The following AATF variants were observed in gnomAD, a reference collection of about 807,000 sequenced individuals.
AATF encodes the protein apoptosis antagonizing transcription factor, also known as protein AATF.
A neutral mutation model predicts 63.7 loss-of-function variants in AATF; 48 were observed. That is an observed-to-expected ratio of 0.75 (90% confidence interval 0.60 to 0.96). The LOEUF (loss-of-function observed/expected upper bound fraction) is 0.96, where lower values mean the gene tolerates loss of function less well. Among genes scored for constraint, AATF ranks in the 40% least tolerant of loss-of-function variants. The pLI is 0.00. For synonymous variants in AATF, 258 were observed against 247.7 expected (o/e 1.04, Z -0.39); for missense variants, 639 against 685.7 (o/e 0.93, Z 0.76).
At chr17:37,016,185 TG>T (rs908322084) in intron 8 of AATF, among the ~76,000 whole-genome samples, 4 of 152,380 alleles carry the variant, frequency 2.6e-5, no homozygotes, top group African/African-American at 9.6e-5. Flanking sequence ...CACACATTAG[TG>T]CTCCTTTTCT....
chr17:37,001,395 A>AGGAG (rs71159677), intron 8 of AATF, among the ~76,000 whole-genome samples: 11,895 of 77,218 alleles, frequency 0.15, 1,836 homozygotes, highest in Non-Finnish European at 0.2. Flanking sequence ...AAGGTATGGG[A>AGGAG]GGAGGGAGGG....
rs1189528380 is a variant in AATF at position 37,023,493 on chromosome 17, T to A, written c.1547+2479T>A. ...ATATCCAGAGGCAGTAAAATCTTATTCTTTTTAAACAGAGTTTAAAAAGAG... is the reference window on the plus strand; with the variant it reads ...ATATCCAGAGGCAGTAAAATCTTATACTTTTTAAACAGAGTTTAAAAAGAG... On this transcript the variant is annotated intron_variant, in intron 10 of 11. Transcript: ENST00000619387. Among the ~76,000 whole-genome samples the A allele has an allele frequency of 2.0e-5, 3 of 151,390 alleles. No homozygotes were observed. In the South Asian group the frequency reaches 6.3e-4, roughly 32 times the overall value.
chr17:37,023,925 A>C lies in AATF; in HGVS notation c.1547+2911A>C, dbSNP rs568324091. ...GGCATAGTATTTGCATATAACCTAC[A>C]CACATCCTCCCTATACTTTAAATCA... On this transcript the variant is annotated intron_variant, in intron 10 of 11. Transcript: ENST00000619387. Among the ~76,000 whole-genome samples the C allele has an allele frequency of 6.6e-5, 10 of 152,200 alleles. No individual in the cohort carries two copies. The South Asian group carries it at 1.9e-3, about 28-fold the overall frequency.
At chr17:36,983,460 G>T (rs1317916836) in intron 4 of AATF, among the ~76,000 whole-genome samples, 1 of 152,076 alleles carries the variant, frequency 6.6e-6, no homozygotes, top group African/African-American at 2.4e-5. Context: ...TGATTCTCCT[G>T]CCTCAGCCTC....
At chr17:37,051,832 C>G (rs1208827506) in intron 11 of AATF, among the ~76,000 whole-genome samples, 1 of 151,892 alleles carries the variant, frequency 6.6e-6, no homozygotes, top group East Asian at 1.9e-4. Flanking sequence ...TTAGAAAATG[C>G]CTCACTAAGG....
At position 36,949,011 on chromosome 17, in the gene AATF, C is replaced by A. The variant is rs893464641; in HGVS notation, c.-115C>A. 112 of 1,029,560 alleles carry A rather than the reference C, an allele frequency of 1.1e-4. No individual in the cohort carries two copies. In the Middle Eastern group the frequency reaches 1.9e-3, roughly 18 times the overall value. The allele number at this position is 1,029,560 out of a possible 1,614,324, so 63.8% of individuals were successfully genotyped here. A position where few individuals can be genotyped will look rare whatever the true frequency, so the allele number is the denominator to read the frequency against. ...GGGGTGGCCTCCGCGCGGTCTCTGG[C>A]GGAGTCGGGGAATCGGATCAAGGCG... is the stretch of plus-strand genomic sequence containing the variant. On this transcript the variant is annotated 5_prime_UTR_variant, in exon 1 of 12. Coordinates refer to ENST00000619387, the MANE Select transcript of AATF (RefSeq NM_012138.4).
At chr17:36,960,864 AT>A (rs1008295146) in intron 4 of AATF, among the ~76,000 whole-genome samples, 45 of 152,300 alleles carry the variant, frequency 3.0e-4, no homozygotes, top group African/African-American at 8.7e-4. Flanking sequence ...GATGGCTATC[AT>A]TTTTTAAAAT....
intron 10 of AATF, among the ~76,000 whole-genome samples, chr17:37,029,487 A>T (rs920643669): frequency 1.3e-5 from 2 of 151,796 alleles, no homozygotes; most frequent in African/African-American, 4.8e-5. Context: ...ACCTCAGGTG[A>T]TCCACCCGCC....
At chr17:37,056,152 G>T (rs768517621) in intron 11 of AATF, 48 of 159,038 alleles carry the variant, frequency 3.0e-4, no homozygotes, top group Non-Finnish European at 5.4e-4. Flanking sequence ...CTGCACAGAT[G>T]ATAGTAATTG....
intron 11 of AATF, among the ~76,000 whole-genome samples, chr17:37,036,157 A>G (rs766638781): frequency 1.3e-5 from 2 of 152,094 alleles, no homozygotes; most frequent in Admixed American, 1.3e-4. Flanking sequence ...TCCCAGAGGC[A>G]CCTCCGCTTA....
chr17:37,043,096 AT>A (rs1172307273), intron 11 of AATF: 1 of 151,852 alleles, frequency 6.6e-6, no homozygotes, highest in Admixed American at 6.6e-5. Context: ...ATATTAACCA[AT>A]AGTCTGTATT....
In AATF at chr17:37,045,316, T is replaced by C. The variant is rs1219058191; in HGVS notation, c.1620-11285T>C. 3 of 152,254 alleles carry C rather than the reference T, an allele frequency of 2.0e-5. No individual in the cohort carries two copies. The East Asian group carries it at 5.8e-4, about 29-fold the overall frequency. The allele number at this position is 152,254 out of a possible 1,614,324, so 9.4% of individuals were successfully genotyped here. A position where few individuals can be genotyped will look rare whatever the true frequency, so the allele number is the denominator to read the frequency against. On this transcript the variant is annotated intron_variant, in intron 11 of 11. Coordinates refer to ENST00000619387, the MANE Select transcript of AATF (RefSeq NM_012138.4). Reference sequence around the variant, plus strand: ...GGTAAATAAGACTGAAGGCCTTTCTTCTACAATATAGATGAGGAAACATCA... The same window carrying C: ...GGTAAATAAGACTGAAGGCCTTTCTCCTACAATATAGATGAGGAAACATCA...
chr17:37,039,111 C>T (rs191450218), intron 11 of AATF, among the ~76,000 whole-genome samples: 5 of 152,302 alleles, frequency 3.3e-5, no homozygotes, highest in Admixed American at 6.5e-5. Context: ...CTTGCTCCCC[C>T]CTACCTATAT....
Position 36,950,413 on chromosome 17 carries a change from G to C in AATF, c.283+8G>C. ...CTCTGCCAGGATCGTCTGGTGAGTA[G>C]ACATTTTTGAATGGAACTCTTCTCT... On this transcript the variant is annotated splice_region_variant and intron_variant, in intron 2 of 11. Transcript: ENST00000619387. 1 of 1,611,676 alleles carries C rather than the reference G, an allele frequency of 6.2e-7. No individual in the cohort carries two copies. The highest frequency in any genetic ancestry group is 8.5e-7 in the Non-Finnish European group (1 of 1,178,038).
Position 36,949,150 on chromosome 17 carries a change from C to G in AATF, c.25C>G (p.Leu9Val), listed in dbSNP as rs199991219. MAGPQPLALQLEQLLNPRP... is the reference protein window; with the variant it reads MAGPQPLAVQLEQLLNPRP... The stretch of plus-strand genomic sequence containing the variant: ...GATGGCGGGGCCGCAGCCCCTGGCG[C>G]TGCAACTGGAACAGTTGTTGAACCC... The change falls in exon 1 of 12, where the codon CTG becomes GTG. Residue 9 changes from leucine (L) to valine (V), a missense_variant. Transcript: ENST00000619387. 104 of 1,586,820 alleles carry G rather than the reference C, an allele frequency of 6.6e-5. No homozygotes were observed. In the East Asian group the frequency reaches 1.6e-3, roughly 25 times the overall value.
At position 37,017,357 on chromosome 17, in the gene AATF, C is replaced by T. The variant is rs114476090; in HGVS notation, c.1399-1648C>T. On this transcript the variant is annotated intron_variant, in intron 8 of 11. Coordinates refer to ENST00000619387, the MANE Select transcript of AATF (RefSeq NM_012138.4). ...TATTATTATTAACCACTCCCCCTCACTCCCCCTACTCCTTGCTTTTGACAG... is the reference window on the plus strand; with the variant it reads ...TATTATTATTAACCACTCCCCCTCATTCCCCCTACTCCTTGCTTTTGACAG... Among the ~76,000 whole-genome samples the T allele has an allele frequency of 4.3e-3, 649 of 152,194 alleles. 6 individuals carry two copies. The highest frequency in any genetic ancestry group is 0.015 in the African/African-American group (611 of 41,508).
chr17:36,957,630 C>T (rs1391108252), intron 4 of AATF, among the ~76,000 whole-genome samples: 4 of 152,152 alleles, frequency 2.6e-5, no homozygotes, highest in Admixed American at 2.6e-4. Flanking sequence ...TTAACTTTTC[C>T]TTGAAATACT....
At chr17:36,988,950 G>A (rs1442265761) in intron 6 of AATF, among the ~76,000 whole-genome samples, 1 of 152,184 alleles carries the variant, frequency 6.6e-6, no homozygotes, top group Non-Finnish European at 1.5e-5. Flanking sequence ...TTGAGGCCTT[G>A]TAAGTGTTCA....
intron 11 of AATF, among the ~76,000 whole-genome samples, chr17:37,042,737 CTTTT>C (rs556843023): frequency 1.5e-5 from 2 of 137,374 alleles, no homozygotes; most frequent in African/African-American, 5.2e-5. Flanking sequence ...TTTTTTCTTT[CTTTT>C]TTTTTTTTTT....
Sources: gnomAD v4.1 joint callset for allele counts (sites outside exome capture counted in the v4.1 genomes callset) on GRCh38, gnomAD v4.1.1 for gene constraint, MANE v1.5 for transcripts, NCBI Gene and HGNC (gene_info 2026-07-23, HGNC 2026-07-21) for gene names.